Variants in EBF1 observed in about 807,000 individuals in gnomAD.
The protein encoded by EBF1 is transcription factor COE1.
EBF1 carries 10 observed loss-of-function variants against 68.4 expected under a neutral mutation model. The ratio of observed to expected loss-of-function variants is 0.15; its 90% confidence interval spans 0.09 to 0.25. The LOEUF is 0.25. EBF1 is among the 10% of genes least tolerant of loss of function. EBF1 has a pLI of 1.00. For missense variants in EBF1, 509 were observed against 794.4 expected (o/e 0.64, Z 4.32); for synonymous variants, 298 against 299.8 (o/e 0.99, Z 0.06).
chr5:159,004,686 G>A (rs1763216774), intron 6 of EBF1, among the ~76,000 whole-genome samples: 1 of 152,136 alleles, frequency 6.6e-6, no homozygotes, highest in Non-Finnish European at 1.5e-5. Context: ...TAGCTGCCAA[G>A]TAGGGAACTG....
chr5:158,724,752 T>C (rs1181912521), intron 11 of EBF1, among the ~76,000 whole-genome samples: 3 of 152,216 alleles, frequency 2.0e-5, no homozygotes, highest in African/African-American at 7.2e-5. Flanking sequence ...CACAATGCAG[T>C]GCACAACTGA....
intron 8 of EBF1, among the ~76,000 whole-genome samples, chr5:158,802,234 T>C (rs1331478664): frequency 6.6e-6 from 1 of 152,140 alleles, no homozygotes; most frequent in Non-Finnish European, 1.5e-5. Flanking sequence ...ATTTATCATA[T>C]CTTATCCCCA....
At chr5:159,017,215 C>G (rs548827331) in intron 6 of EBF1, among the ~76,000 whole-genome samples, 1 of 152,334 alleles carries the variant, frequency 6.6e-6, no homozygotes, top group East Asian at 1.9e-4. Flanking sequence ...ATAACCACAT[C>G]TAGCTACCCT....
intron 6 of EBF1, among the ~76,000 whole-genome samples, chr5:158,959,175 A>G (rs1474079438): frequency 6.6e-6 from 1 of 152,204 alleles, no homozygotes; most frequent in Non-Finnish European, 1.5e-5. Context: ...TGTAATAACC[A>G]TTTGCCCATA....
chr5:158,787,886 T>C (rs1183818190), intron 9 of EBF1, among the ~76,000 whole-genome samples: 1 of 152,220 alleles, frequency 6.6e-6, no homozygotes, highest in Non-Finnish European at 1.5e-5. Context: ...TGCATACTTA[T>C]TACACAACAA....
intron 6 of EBF1, among the ~76,000 whole-genome samples, chr5:159,041,908 T>C (rs1289659983): frequency 6.6e-6 from 1 of 152,220 alleles, no homozygotes; most frequent in Non-Finnish European, 1.5e-5. Context: ...TGACGAGATT[T>C]AACTACTCAC....
At chr5:158,858,036 C>T (rs1168177177) in intron 6 of EBF1, among the ~76,000 whole-genome samples, 1 of 152,114 alleles carries the variant, frequency 6.6e-6, no homozygotes, top group East Asian at 1.9e-4. Flanking sequence ...ATTTAAGTGG[C>T]TAGACTTTAT....
chr5:159,077,614 G>C (rs887879179), intron 5 of EBF1, among the ~76,000 whole-genome samples: 2 of 152,092 alleles, frequency 1.3e-5, no homozygotes, highest in African/African-American at 4.8e-5. Flanking sequence ...ACTGAGCCTG[G>C]CACACAGTAT....
At chr5:158,832,243 G>A (rs1198546238) in intron 7 of EBF1, among the ~76,000 whole-genome samples, 1 of 152,180 alleles carries the variant, frequency 6.6e-6, no homozygotes, top group Non-Finnish European at 1.5e-5. Flanking sequence ...TCTAAGTGCA[G>A]GGCGACCACT....
At chr5:158,917,548 A>G (rs1211491105) in intron 6 of EBF1, among the ~76,000 whole-genome samples, 1 of 152,186 alleles carries the variant, frequency 6.6e-6, no homozygotes, top group African/African-American at 2.4e-5. Flanking sequence ...CACACTTGTT[A>G]GTGGTTATGT....
At chr5:158,765,335 C>G (rs77232941) in intron 10 of EBF1, among the ~76,000 whole-genome samples, 3,283 of 152,218 alleles carry the variant, frequency 0.022, 128 homozygotes, top group African/African-American at 0.075. Context: ...AAAGAGTCAT[C>G]CTGGCCTCAT....
At chr5:159,092,216 G>A (rs1414831717) in intron 4 of EBF1, among the ~76,000 whole-genome samples, 1 of 152,138 alleles carries the variant, frequency 6.6e-6, no homozygotes, top group Non-Finnish European at 1.5e-5. Context: ...GGGTCCTACA[G>A]GGCATTCTGC....
At chr5:158,749,798 A>G (rs1768391010) in intron 10 of EBF1, among the ~76,000 whole-genome samples, 1 of 152,138 alleles carries the variant, frequency 6.6e-6, no homozygotes, top group Non-Finnish European at 1.5e-5. Flanking sequence ...GGGAGGCTGG[A>G]CATACCTTTT....
At chr5:158,844,700 A>G (rs1452019016) in intron 6 of EBF1, among the ~76,000 whole-genome samples, 1 of 152,222 alleles carries the variant, frequency 6.6e-6, no homozygotes. Flanking sequence ...ATCCTGTAAG[A>G]GCTGAATGCC....
At chr5:159,079,786 G>T (rs1245475571) in intron 5 of EBF1, among the ~76,000 whole-genome samples, 1 of 151,632 alleles carries the variant, frequency 6.6e-6, no homozygotes, top group African/African-American at 2.4e-5. Flanking sequence ...GCTGATTTTT[G>T]TATTTTTTGG....
intron 6 of EBF1, among the ~76,000 whole-genome samples, chr5:159,001,124 CAATGTAAA>C (rs1472913333): frequency 6.6e-6 from 1 of 152,086 alleles, no homozygotes; most frequent in Admixed American, 6.6e-5. Flanking sequence ...AAAAGTCAGA[CAATGTAAA>C]AATGTAAAAC....
At chr5:158,754,776 C>T (rs969307610) in intron 10 of EBF1, among the ~76,000 whole-genome samples, 2 of 152,062 alleles carry the variant, frequency 1.3e-5, no homozygotes, top group African/African-American at 2.4e-5. Flanking sequence ...ATATTTGACT[C>T]ATTGTAATAA....
intron 6 of EBF1, among the ~76,000 whole-genome samples, chr5:158,906,632 CTAT>C (rs1804702863): frequency 6.6e-6 from 1 of 152,136 alleles, no homozygotes; most frequent in Admixed American, 6.6e-5. Flanking sequence ...GAGGCAGGTA[CTAT>C]TATTATTCCC....
intron 6 of EBF1, among the ~76,000 whole-genome samples, chr5:158,919,944 C>A (rs1194440558): frequency 1.2e-4 from 19 of 152,012 alleles, no homozygotes; most frequent in Admixed American, 1.2e-3. Context: ...CATAGCCCCA[C>A]AAAAGGACAG....
Sources: allele counts gnomAD v4.1 joint callset (sites outside exome capture counted in the v4.1 genomes callset), GRCh38; gene constraint gnomAD v4.1.1; transcripts MANE v1.5; gene names NCBI Gene and HGNC (gene_info 2026-07-23, HGNC 2026-07-21).